IMMP2L: variants seen among roughly 807,000 people sequenced by gnomAD.
The protein encoded by IMMP2L is mitochondrial inner membrane protease subunit 2.
Under a neutral mutation model 19.3 loss-of-function variants are expected in IMMP2L, and 18 were observed. The observed-to-expected ratio is 0.93, with a 90% CI of 0.64 to 1.38. The LOEUF (loss-of-function observed/expected upper bound fraction) is 1.38. Ranked by LOEUF, IMMP2L falls within the 40% of genes most tolerant of loss-of-function variation. The pLI, the probability that IMMP2L is intolerant of heterozygous loss-of-function variation, is 0.00. For missense variants in IMMP2L, 233 were observed against 218.2 expected, an observed-to-expected ratio of 1.07 and a Z score of -0.43; for synonymous variants, 76 against 73.0, an observed-to-expected ratio of 1.04 and a Z score of -0.21.
intron 3 of IMMP2L, among the ~76,000 whole-genome samples, chr7:111,237,285 T>C (rs559682430): frequency 4.9e-4 from 75 of 152,282 alleles, no homozygotes; most frequent in Non-Finnish European, 9.6e-4. Context: ...GTGCCTTAGA[T>C]ACTGAGTAAT....
intron 3 of IMMP2L, among the ~76,000 whole-genome samples, chr7:111,457,532 T>A (rs1250345377): frequency 5.9e-5 from 9 of 152,188 alleles, no homozygotes; most frequent in South Asian, 4.1e-4. Flanking sequence ...CTTCTAGGTA[T>A]ACAAGATACT....
intron 3 of IMMP2L, among the ~76,000 whole-genome samples, chr7:111,145,608 T>G (rs1803383462): frequency 6.6e-6 from 1 of 152,086 alleles, no homozygotes; most frequent in African/African-American, 2.4e-5. Flanking sequence ...AGGAACAGCA[T>G]GTACCCTAGA....
At chr7:111,199,456 A>C (rs1215145362) in intron 3 of IMMP2L, among the ~76,000 whole-genome samples, 1 of 152,146 alleles carries the variant, frequency 6.6e-6, no homozygotes, top group Non-Finnish European at 1.5e-5. Context: ...ACACTAAAAG[A>C]AGCCAAAACT....
intron 3 of IMMP2L, among the ~76,000 whole-genome samples, chr7:111,317,132 T>C (rs2130417030): frequency 6.6e-6 from 1 of 152,090 alleles, no homozygotes; most frequent in East Asian, 1.9e-4. Flanking sequence ...GCAGGCATGA[T>C]TTTTGGCTCG....
intron 5 of IMMP2L, among the ~76,000 whole-genome samples, chr7:110,811,349 A>C (rs1802021490): frequency 6.6e-6 from 1 of 152,040 alleles, no homozygotes; most frequent in African/African-American, 2.4e-5. Context: ...ATCACAGAAA[A>C]TCCTAAAAAT....
chr7:111,243,674 A>G (rs1326521676), intron 3 of IMMP2L, among the ~76,000 whole-genome samples: 1 of 94,904 alleles, frequency 1.1e-5, no homozygotes, highest in African/African-American at 4.2e-5. Flanking sequence ...CCCTCCCCCG[A>G]CCCCACCACA....
intron 3 of IMMP2L, among the ~76,000 whole-genome samples, chr7:111,106,969 A>C: frequency 6.6e-6 from 1 of 151,906 alleles, no homozygotes; most frequent in African/African-American, 2.4e-5. Flanking sequence ...TATTCAATCT[A>C]CTTCTTTCTA....
chr7:111,310,807 T>C (rs997483000), intron 3 of IMMP2L, among the ~76,000 whole-genome samples: 2 of 152,122 alleles, frequency 1.3e-5, no homozygotes, highest in African/African-American at 2.4e-5. Context: ...AATAGCCGTA[T>C]ACCAAGTGCC....
chr7:110,935,550 C>T (rs1032381883), intron 4 of IMMP2L, among the ~76,000 whole-genome samples: 2 of 152,020 alleles, frequency 1.3e-5, no homozygotes, highest in African/African-American at 4.8e-5. Flanking sequence ...ATCTGTCTTG[C>T]TAGGTTGGGG....
intron 3 of IMMP2L, among the ~76,000 whole-genome samples, chr7:111,368,817 T>C (rs1347342485): frequency 6.6e-6 from 1 of 151,982 alleles, no homozygotes; most frequent in Non-Finnish European, 1.5e-5. Context: ...AATGGTTTAG[T>C]ATACTGGAAA....
intron 1 of IMMP2L, among the ~76,000 whole-genome samples, chr7:111,551,855 T>A (rs1790691866): frequency 6.6e-6 from 1 of 152,034 alleles, no homozygotes; most frequent in Non-Finnish European, 1.5e-5. Context: ...TAGGAGGAAA[T>A]ATAGCCCCTA....
intron 5 of IMMP2L, among the ~76,000 whole-genome samples, chr7:110,880,422 G>A (rs73425043): frequency 0.04 from 6,088 of 152,060 alleles, 394 homozygotes; most frequent in African/African-American, 0.14. Flanking sequence ...CGTTATTTAC[G>A]TAGTTTGGTG....
At chr7:110,702,300 A>T (rs1794340614) in intron 5 of IMMP2L, among the ~76,000 whole-genome samples, 1 of 152,134 alleles carries the variant, frequency 6.6e-6, no homozygotes, top group Non-Finnish European at 1.5e-5. Flanking sequence ...ACAAATTTGG[A>T]TTTTATTTTG....
At chr7:111,492,346 C>T in intron 2 of IMMP2L, 2 of 974,674 alleles carry the variant, frequency 2.1e-6, no homozygotes, top group Non-Finnish European at 2.4e-6. Flanking sequence ...AGTAGTACCA[C>T]TTACCCTATC....
intron 3 of IMMP2L, among the ~76,000 whole-genome samples, chr7:111,296,710 T>C (rs1214290263): frequency 6.6e-6 from 1 of 152,028 alleles, no homozygotes; most frequent in Non-Finnish European, 1.5e-5. Flanking sequence ...AAATGGGAAC[T>C]GTCCACAAGA....
At chr7:111,193,860 A>G (rs1300040431) in intron 3 of IMMP2L, among the ~76,000 whole-genome samples, 2 of 152,182 alleles carry the variant, frequency 1.3e-5, no homozygotes, top group Non-Finnish European at 2.9e-5. Context: ...TGACCAGGCT[A>G]TGGGTCAACT....
At chr7:111,291,681 GA>G (rs1271870584) in intron 3 of IMMP2L, among the ~76,000 whole-genome samples, 9 of 152,058 alleles carry the variant, frequency 5.9e-5, no homozygotes, top group Non-Finnish European at 1.3e-4. Context: ...TTAGTGATCT[GA>G]TGCAAAATGG....
At chr7:110,941,180 A>T (rs1202378648) in intron 4 of IMMP2L, among the ~76,000 whole-genome samples, 1 of 152,196 alleles carries the variant, frequency 6.6e-6, no homozygotes, top group Admixed American at 6.5e-5. Context: ...ACATATTTTT[A>T]TCCAGAAACC....
chr7:111,284,635 G>A (rs1465804454), intron 3 of IMMP2L, among the ~76,000 whole-genome samples: 1 of 152,118 alleles, frequency 6.6e-6, no homozygotes, highest in African/African-American at 2.4e-5. Context: ...ATGACTATAA[G>A]CCCGGGGCTT....
Sources: gnomAD v4.1 joint callset for allele counts (sites outside exome capture counted in the v4.1 genomes callset) on GRCh38, gnomAD v4.1.1 for gene constraint, MANE v1.5 for transcripts, NCBI Gene and HGNC (gene_info 2026-07-23, HGNC 2026-07-21) for gene names.